The following LOC128031837 variants were observed in gnomAD, a reference collection of about 807,000 sequenced individuals.
At chr7:112,450,552 C>T in the LOC128031837 span, 18 of 705,978 alleles carry the variant, frequency 2.5e-5, 3 homozygotes, top group Admixed American at 2.7e-4. Flanking sequence ...ACTCTTACCC[C>T]CGCCGCTTCT....
chr7:112,450,633 C>G, the LOC128031837 span: 3 of 1,389,946 alleles, frequency 2.2e-6, no homozygotes, highest in Non-Finnish European at 2.0e-6. Context: ...AAAAGTGCAG[C>G]TCCATCGGCT....
chr7:112,450,528 T>C, the LOC128031837 span: 1 of 659,074 alleles, frequency 1.5e-6, no homozygotes, highest in African/African-American at 1.8e-5. Flanking sequence ...GGATTTCTGC[T>C]GCCGCCACCG....
the LOC128031837 span, chr7:112,450,610 A>G: frequency 1.7e-6 from 2 of 1,156,216 alleles, no homozygotes; most frequent in Non-Finnish European, 2.6e-6. Context: ...CCCGCCGCAC[A>G]GACGCACGAG....
At chr7:112,450,594 C>A in the LOC128031837 span, 1 of 998,396 alleles carries the variant, frequency 1.0e-6, no homozygotes, top group Non-Finnish European at 1.6e-6. Context: ...ACTCGCCTCT[C>A]AGCCGCCCGC....
chr7:112,450,635 C>A, the LOC128031837 span: 1 of 1,410,306 alleles, frequency 7.1e-7, no homozygotes, highest in South Asian at 1.2e-5. Flanking sequence ...AAGTGCAGCT[C>A]CATCGGCTGA....
At chr7:112,450,607 C>T in the LOC128031837 span, 3 of 1,135,318 alleles carry the variant, frequency 2.6e-6, no homozygotes, top group Non-Finnish European at 2.7e-6. Context: ...CCGCCCGCCG[C>T]ACAGACGCAC....
the LOC128031837 span, chr7:112,450,622 A>G: frequency 7.7e-7 from 1 of 1,300,484 alleles, no homozygotes; most frequent in Non-Finnish European, 1.1e-6. Context: ...ACGCACGAGT[A>G]AAAAGTGCAG....
the LOC128031837 span, chr7:112,450,510 C>T: frequency 1.5e-6 from 1 of 646,920 alleles, no homozygotes; most frequent in African/African-American, 1.8e-5. Context: ...GATCACAGCT[C>T]TTCACGGGGA....
the LOC128031837 span, chr7:112,450,515 C>T: frequency 4.6e-6 from 3 of 649,750 alleles, no homozygotes; most frequent in Non-Finnish European, 8.5e-6. Flanking sequence ...CAGCTCTTCA[C>T]GGGGATTTCT....
the LOC128031837 span, chr7:112,450,600 C>G: frequency 9.4e-7 from 1 of 1,063,614 alleles, no homozygotes; most frequent in Non-Finnish European, 1.5e-6. Context: ...CTCTCAGCCG[C>G]CCGCCGCACA....
chr7:112,450,595 A>G, the LOC128031837 span: 2 of 1,006,818 alleles, frequency 2.0e-6, no homozygotes, highest in Non-Finnish European at 3.1e-6. Flanking sequence ...CTCGCCTCTC[A>G]GCCGCCCGCC....
chr7:112,450,600 C>T, the LOC128031837 span: 8 of 1,063,492 alleles, frequency 7.5e-6, no homozygotes, highest in Middle Eastern at 2.3e-4. Flanking sequence ...CTCTCAGCCG[C>T]CCGCCGCACA....
the LOC128031837 span, chr7:112,450,620 G>A: frequency 7.8e-7 from 1 of 1,276,566 alleles, no homozygotes; most frequent in Non-Finnish European, 1.1e-6. Context: ...AGACGCACGA[G>A]TAAAAAGTGC....
At chr7:112,450,500 G>C in the LOC128031837 span, 4 of 629,062 alleles carry the variant, frequency 6.4e-6, no homozygotes, top group Non-Finnish European at 1.2e-5. Flanking sequence ...TATCGTTTTC[G>C]ATCACAGCTC....
chr7:112,450,571 T>G, the LOC128031837 span: 9 of 764,902 alleles, frequency 1.2e-5, no homozygotes, highest in Non-Finnish European at 1.6e-5. Context: ...CTCGACTCTG[T>G]TGTTAGCCGA....
At chr7:112,450,594 C>T in the LOC128031837 span, 1 of 998,398 alleles carries the variant, frequency 1.0e-6, no homozygotes, top group Non-Finnish European at 1.6e-6. Flanking sequence ...ACTCGCCTCT[C>T]AGCCGCCCGC....
the LOC128031837 span, chr7:112,450,516 G>A: frequency 1.5e-6 from 1 of 649,302 alleles, no homozygotes; most frequent in South Asian, 1.7e-5. Flanking sequence ...AGCTCTTCAC[G>A]GGGATTTCTG....
chr7:112,450,614 G>A, the LOC128031837 span: 1 of 1,185,878 alleles, frequency 8.4e-7, no homozygotes, highest in Non-Finnish European at 1.3e-6. Context: ...CCGCACAGAC[G>A]CACGAGTAAA....
At chr7:112,450,498 T>C in the LOC128031837 span, 2 of 626,380 alleles carry the variant, frequency 3.2e-6, no homozygotes, top group Admixed American at 2.5e-5. Context: ...TGTATCGTTT[T>C]CGATCACAGC....
Sources: gnomAD v4.1 joint callset for allele counts on GRCh38, gnomAD v4.1.1 for gene constraint, MANE v1.5 for transcripts.